SLC26A3: variants seen among roughly 807,000 people sequenced by gnomAD.
SLC26A3 encodes chloride anion exchanger.
In SLC26A3, 64 loss-of-function variants were observed where a neutral mutation model predicts 85.6. That is an observed-to-expected ratio of 0.75 (90% confidence interval 0.61 to 0.92). The LOEUF is 0.92. Ranked by LOEUF, SLC26A3 falls within the 40% of genes least tolerant of loss-of-function variation. The pLI is 0.00. For synonymous variants in SLC26A3, 349 were observed against 336.0 expected (o/e 1.04, Z -0.42); for missense variants, 922 against 927.3 (o/e 0.99, Z 0.07).
At position 107,774,081 on chromosome 7, in the gene SLC26A3, G is replaced by A. The variant is rs564106034; in HGVS notation, c.1846C>T (p.Leu616=). The change falls in exon 17 of 21, where the codon CTG becomes TTG. Residue 616 remains leucine, a synonymous_variant. Transcript: ENST00000340010. ...TCTGTGGTATTGATTGGCTGGTCCA[G>A]TACTTCTATCTGATTGTTGTCCAGC... The part of the protein sequence containing the change: ...EELDNNQIEV[L]DQPINTTDLP... The A allele has an allele frequency of 1.2e-4, 197 of 1,614,126 alleles. 3 individuals are homozygous for A. In the South Asian group the frequency reaches 2.0e-3, roughly 16 times the overall value.
intron 10 of SLC26A3, 37 bp downstream of exon 10, chr7:107,782,943 C>A (rs139017162): frequency 6.2e-7 from 1 of 1,609,628 alleles, no homozygotes; most frequent in South Asian, 1.1e-5. Context: ...TAGTTACTAA[C>A]GCTAGGACAG....
In SLC26A3 at chr7:107,791,354, G is replaced by A. The variant is rs1196349755; in HGVS notation, c.383-119C>T. The A allele has an allele frequency of 4.6e-6, 5 of 1,090,630 alleles. No individual in the cohort carries two copies. The African/African-American group carries it at 6.2e-5, about 13-fold the overall frequency. 67.6% of individuals were successfully genotyped at this position (1,090,630 alleles called of 1,614,324 possible). On this transcript the variant is annotated intron_variant, in intron 4 of 20. Coordinates refer to ENST00000340010, the MANE Select transcript of SLC26A3 (RefSeq NM_000111.3). Reference sequence around the variant, plus strand: ...AGGCTGGGCGTGGTGGCTCACGCCTGTAATCCCAGCACTTTGGGAGGCCGA... The same window carrying A: ...AGGCTGGGCGTGGTGGCTCACGCCTATAATCCCAGCACTTTGGGAGGCCGA...
rs1432794410 is a variant in SLC26A3 at position 107,777,782 on chromosome 7, C to T, written c.1514+393G>A. ...ACAACCTATAAAGAGGAAATCCATCCACTAGATGGAAACAATCTCACAATC... is the reference window on the plus strand; with the variant it reads ...ACAACCTATAAAGAGGAAATCCATCTACTAGATGGAAACAATCTCACAATC... On this transcript the variant is annotated intron_variant, in intron 13 of 20. Transcript: ENST00000340010. Among the ~76,000 whole-genome samples, 6 of 152,150 alleles carry T rather than the reference C, an allele frequency of 3.9e-5. No homozygotes were observed. In the East Asian group the frequency reaches 1.2e-3, roughly 29 times the overall value.
In SLC26A3 at chr7:107,769,402, A is replaced by C. The variant is rs540137140; in HGVS notation, c.2063-1494T>G. Among the ~76,000 whole-genome samples the C allele has an allele frequency of 2.6e-5, 4 of 152,150 alleles. No homozygotes were observed. The South Asian group carries it at 8.3e-4, about 32-fold the overall frequency. On this transcript the variant is annotated intron_variant, in intron 18 of 20. Coordinates refer to ENST00000340010, the MANE Select transcript of SLC26A3 (RefSeq NM_000111.3). ...GAATACTATATAAAAACATATAAAAAAATTAAAAAAAAACAATATCCTTTG... is the reference window on the plus strand; with the variant it reads ...GAATACTATATAAAAACATATAAAACAATTAAAAAAAAACAATATCCTTTG...
intron 15 of SLC26A3, among the ~76,000 whole-genome samples, chr7:107,775,588 G>A (rs906524149): frequency 6.6e-5 from 10 of 151,726 alleles, no homozygotes; most frequent in African/African-American, 2.2e-4. Flanking sequence ...AGCACTTAGC[G>A]GGGTGTAGTG....
rs2115873495 is a variant in SLC26A3, at chr7:107,791,070, G to A, written c.548C>T (p.Thr183Ile). ...RVRVAAAASV[T>I]VLSGIIQLAF... Reference sequence around the variant, plus strand: ...CACCTGGATGATTCCAGAAAGCACTGTGACTGATGCCGCCGCCGCCACCCT... The same window carrying A: ...CACCTGGATGATTCCAGAAAGCACTATGACTGATGCCGCCGCCGCCACCCT... The change falls in exon 5 of 21, where the codon ACA (threonine) becomes ATA (isoleucine). Residue 183 changes from threonine (T) to isoleucine (I), a missense_variant. By Grantham distance (89) the Thr-to-Ile change is moderately conservative. Coordinates refer to ENST00000340010, the MANE Select transcript of SLC26A3 (RefSeq NM_000111.3). 1.2e-6 allele frequency: 2 copies of A among 1,614,048 alleles called. No individual in the cohort carries two copies.
At chr7:107,779,581 A>G (rs1794182688) in intron 12 of SLC26A3, 87 bp downstream of exon 12, 3 of 1,078,980 alleles carry the variant, frequency 2.8e-6, no homozygotes, top group Non-Finnish European at 2.8e-6. Context: ...AATTTCACTT[A>G]GTTTACAATA....
chr7:107,793,154 T>C (rs1443409261), intron 3 of SLC26A3, among the ~76,000 whole-genome samples: 1 of 152,232 alleles, frequency 6.6e-6, no homozygotes, highest in Non-Finnish European at 1.5e-5. Context: ...TAAAATGGTG[T>C]AGCTACTTTA....
Position 107,787,428 on chromosome 7 carries a change from A to T in SLC26A3, c.817T>A (p.Ser273Thr). 1 of 1,614,014 alleles carries T rather than the reference A, an allele frequency of 6.2e-7. No individual in the cohort carries two copies. The highest frequency in any genetic ancestry group is 8.5e-7 in the Non-Finnish European group (1 of 1,179,880). The change falls in exon 7 of 21, where the codon TCC becomes ACC. Residue 273 changes from serine to threonine, a missense_variant. By Grantham distance (58) the Ser-to-Thr change is moderately conservative. Coordinates refer to ENST00000340010, the MANE Select transcript of SLC26A3 (RefSeq NM_000111.3). Reference protein sequence around the residue: ...VTALIVLLVVSIVKEINQRFK... With the variant: ...VTALIVLLVVTIVKEINQRFK... ...CGCTGATTTATTTCTTTAACAATGG[A>T]TACAACCAAAAGGACAATCAGAGCT... is the stretch of plus-strand genomic sequence containing the variant.
intron 5 of SLC26A3, among the ~76,000 whole-genome samples, chr7:107,790,582 C>A (rs917031489): frequency 2.0e-5 from 3 of 152,130 alleles, no homozygotes; most frequent in Non-Finnish European, 2.9e-5. Context: ...CCATAATCCT[C>A]GTCAGTTTTC....
At chr7:107,768,733 T>G (rs983411001) in intron 18 of SLC26A3, among the ~76,000 whole-genome samples, 4 of 152,222 alleles carry the variant, frequency 2.6e-5, no homozygotes, top group Non-Finnish European at 4.4e-5. Context: ...CTATGAAAAT[T>G]CTGAGAAATT....
intron 13 of SLC26A3, 63 bp downstream of exon 13, chr7:107,778,112 T>A: frequency 9.0e-7 from 1 of 1,108,698 alleles, no homozygotes; most frequent in Non-Finnish European, 1.4e-6. Context: ...GTGACATTTT[T>A]TTTCCTCTTC....
chr7:107,780,302 GGGGCTTTAAAATTA>G (rs1202489509), intron 11 of SLC26A3, among the ~76,000 whole-genome samples: 2 of 152,078 alleles, frequency 1.3e-5, no homozygotes, highest in African/African-American at 4.8e-5. Context: ...GCATACAGGA[GGGGCTTTAAAATTA>G]GTCAGTGAAT....
At chr7:107,791,558 G>T (rs929220098) in intron 4 of SLC26A3, among the ~76,000 whole-genome samples, 1 of 152,080 alleles carries the variant, frequency 6.6e-6, no homozygotes, top group African/African-American at 2.4e-5. Context: ...GTTGCAGTGA[G>T]CTGAGATCGT....
At chr7:107,785,556 C>G (rs1167756669) in intron 8 of SLC26A3, among the ~76,000 whole-genome samples, 1 of 152,134 alleles carries the variant, frequency 6.6e-6, no homozygotes, top group African/African-American at 2.4e-5. Context: ...TGCAAGTATT[C>G]ATTTTTTCTA....
At chr7:107,798,562 G>T (rs1292915760) in intron 1 of SLC26A3, among the ~76,000 whole-genome samples, 3 of 152,198 alleles carry the variant, frequency 2.0e-5, no homozygotes, top group Non-Finnish European at 4.4e-5. Flanking sequence ...GAACCAAGAT[G>T]CTGATGAGCG....
Position 107,774,041 on chromosome 7 carries a change from A to G in SLC26A3, c.1886T>C (p.Ile629Thr), listed in dbSNP as rs773964388. ...GAGAGGAAGATCATCATTCCAGTCA[A>G]TGTGGAAAGGCAGGTCTGTGGTATT... ...PINTTDLPFHIDWNDDLPLNI... is the reference protein window; with the variant it reads ...PINTTDLPFHTDWNDDLPLNI... The change falls in exon 17 of 21, where the codon ATT (isoleucine) becomes ACT (threonine). Residue 629 changes from isoleucine to threonine, a missense_variant. Physicochemically the swap from Ile to Thr is moderately conservative, Grantham distance 89. Transcript: ENST00000340010. The G allele has an allele frequency of 8.7e-6, 14 of 1,614,044 alleles. No homozygotes were observed. In the East Asian group the frequency reaches 1.3e-4, roughly 15 times the overall value.
intron 15 of SLC26A3, chr7:107,776,234 T>C: frequency 3.4e-6 from 2 of 586,116 alleles, no homozygotes; most frequent in Non-Finnish European, 6.1e-6. Flanking sequence ...GATTCTTCTA[T>C]ATTAGATGTC....
At chr7:107,798,791 A>T (rs768400686) in intron 1 of SLC26A3, among the ~76,000 whole-genome samples, 2 of 152,216 alleles carry the variant, frequency 1.3e-5, no homozygotes, top group Non-Finnish European at 2.9e-5. Context: ...TGCTGAAAAC[A>T]CAACTCACCT....
Sources: allele counts gnomAD v4.1 joint callset (sites outside exome capture counted in the v4.1 genomes callset), GRCh38; gene constraint gnomAD v4.1.1; transcripts MANE v1.5; gene names NCBI Gene and HGNC (gene_info 2026-07-23, HGNC 2026-07-21).